The following CPAMD8 variants were observed in gnomAD, a reference collection of about 807,000 sequenced individuals.
CPAMD8 encodes the protein C3 and PZP-like alpha-2-macroglobulin domain-containing protein 8.
CPAMD8 carries 146 observed loss-of-function variants against 224.7 expected under a neutral mutation model. The observed-to-expected ratio is 0.65, with a 90% CI of 0.57 to 0.75. The LOEUF (loss-of-function observed/expected upper bound fraction) is 0.75, where lower values mean the gene tolerates loss of function less well. Ranked by LOEUF, CPAMD8 falls within the 30% of genes least tolerant of loss-of-function variation. The probability of loss-of-function intolerance (pLI) is 0.00; values close to 1 mark genes in which losing one functional copy is unlikely to be tolerated. For synonymous variants in CPAMD8, 966 were observed against 1,044.6 expected (o/e 0.92, Z 1.45); for missense variants, 2,301 against 2,537.5 (o/e 0.91, Z 2.00).
chr19:16,945,496 G>A, intron 22 of CPAMD8, 53 bp downstream of exon 22: 1 of 1,591,576 alleles, frequency 6.3e-7, no homozygotes, highest in Non-Finnish European at 8.6e-7. Context: ...CCAGCTTCAT[G>A]GCTGAAGGAA....
rs776665028 is a variant in CPAMD8 at position 16,929,198 on chromosome 19, T to G, written c.2888A>C (p.Tyr963Ser). The G allele has an allele frequency of 6.2e-7, 1 of 1,611,682 alleles. No individual in the cohort carries two copies. The highest frequency in any genetic ancestry group is 1.1e-5 in the South Asian group (1 of 91,044). ...ISTPNKYEFQ[Y>S]VQRPLRLTRF... Reference sequence around the variant, plus strand: ...GGTGAGGCGCAGTGGCCGCTGCACATACTGGAACTCATACTTGTTGGGGGT... The same window carrying G: ...GGTGAGGCGCAGTGGCCGCTGCACAGACTGGAACTCATACTTGTTGGGGGT... The change falls in exon 24 of 42, where the codon TAT becomes TCT. Residue 963 changes from tyrosine (Y) to serine (S), a missense_variant. Around this residue, in one of 4 missense-constraint regions of CPAMD8, gnomAD observed 1,709 missense variants for 1,753.2 expected, o/e 0.97. Coordinates refer to ENST00000443236, the MANE Select transcript of CPAMD8 (RefSeq NM_015692.5).
intron 6 of CPAMD8, 126 bp from the exon 7 acceptor site, chr19:17,008,685 TAA>T (rs752959226): frequency 4.9e-5 from 53 of 1,080,996 alleles, no homozygotes; most frequent in Non-Finnish European, 5.1e-5. Context: ...GTCCCAAGAT[TAA>T]TCATTAACCC....
intron 27 of CPAMD8, among the ~76,000 whole-genome samples, chr19:16,916,691 A>G (rs2052974784): frequency 6.6e-6 from 1 of 152,026 alleles, no homozygotes; most frequent in African/African-American, 2.4e-5. Flanking sequence ...GTGACCTGAG[A>G]TCGCACCACT....
chr19:16,937,932 C>A lies in CPAMD8; in HGVS notation c.2845+463G>T, dbSNP rs141193457. ...CCTCCCAGAGTGCTGGGATTATAGG[C>A]GTGAGCCTACCGCGCCCGGCCAACT... On this transcript the variant is annotated intron_variant, in intron 23 of 41. Coordinates refer to ENST00000443236, the MANE Select transcript of CPAMD8 (RefSeq NM_015692.5). 2.7e-3 allele frequency among the ~76,000 whole-genome samples: 406 copies of A among 152,256 alleles called. 2 individuals carry two copies. Among genetic ancestry groups the A allele is most frequent in the African/African-American group, 9.3e-3 (385 of 41,552 alleles).
chr19:16,959,567 GTC>G (rs1307295524), intron 18 of CPAMD8, among the ~76,000 whole-genome samples: 2 of 150,254 alleles, frequency 1.3e-5, no homozygotes, highest in African/African-American at 4.9e-5. Context: ...TCGAGATGGA[GTC>G]TCTCTCTGTT....
At chr19:16,944,278 T>C (rs2053999223) in intron 22 of CPAMD8, among the ~76,000 whole-genome samples, 2 of 152,202 alleles carry the variant, frequency 1.3e-5, no homozygotes, top group South Asian at 2.1e-4. Flanking sequence ...TTTCTAATTG[T>C]AGCTTCATCT....
intron 18 of CPAMD8, among the ~76,000 whole-genome samples, chr19:16,966,815 C>T (rs1174990138): frequency 2.6e-5 from 4 of 151,978 alleles, no homozygotes; most frequent in Non-Finnish European, 4.4e-5. Flanking sequence ...ATTAGAATGG[C>T]GATCATTAAA....
At chr19:17,013,077 A>G (rs1161551358) in intron 3 of CPAMD8, among the ~76,000 whole-genome samples, 2 of 152,100 alleles carry the variant, frequency 1.3e-5, no homozygotes, top group Non-Finnish European at 2.9e-5. Flanking sequence ...GCTACTCGGG[A>G]GGCTGAGGCA....
intron 23 of CPAMD8, among the ~76,000 whole-genome samples, chr19:16,931,313 A>G (rs540199670): frequency 6.6e-6 from 1 of 152,272 alleles, no homozygotes; most frequent in African/African-American, 2.4e-5. Context: ...CTCCCAGCCT[A>G]GTTCACCACA....
At chr19:17,004,240 G>T in intron 8 of CPAMD8, 33 bp downstream of exon 8, 1 of 1,448,866 alleles carries the variant, frequency 6.9e-7, no homozygotes, top group Non-Finnish European at 9.7e-7. Flanking sequence ...TCCCAGATCT[G>T]AAATCCCAAG....
rs772994363 is a variant in CPAMD8, at chr19:17,009,315, T to A, written c.492A>T (p.Glu164Asp). ...AGAGGCCACTCACCAGGATGTAGGC[T>A]TCCAGCTGTAATGAAGACACAGATG... ...PNLRPVNEKL[E>D]AYILDPRGSR... Residue 164 changes from glutamate (E) to aspartate (D), a missense_variant, in exon 6 of 42, where the codon GAA becomes GAT. Physicochemically the swap from Glu to Asp is conservative, Grantham distance 45. Coordinates refer to ENST00000443236, the MANE Select transcript of CPAMD8 (RefSeq NM_015692.5). The A allele has an allele frequency of 3.1e-6, 5 of 1,614,110 alleles. No individual in the cohort carries two copies. The highest frequency in any genetic ancestry group is 4.2e-6 in the Non-Finnish European group (5 of 1,179,982).
At chr19:16,970,864 A>G in intron 18 of CPAMD8, 27 bp downstream of exon 18, 1 of 1,610,696 alleles carries the variant, frequency 6.2e-7, no homozygotes, top group Non-Finnish European at 8.5e-7. Flanking sequence ...AGGGTTAGAA[A>G]ACCTTGCTCA....
chr19:17,025,052 C>T (rs1366826254), intron 1 of CPAMD8, among the ~76,000 whole-genome samples: 1 of 152,186 alleles, frequency 6.6e-6, no homozygotes, highest in Non-Finnish European at 1.5e-5. Context: ...TTCCATGTCA[C>T]TTAACAGATG....
intron 1 of CPAMD8, among the ~76,000 whole-genome samples, chr19:17,024,972 C>T (rs1224037506): frequency 6.6e-6 from 1 of 152,230 alleles, no homozygotes; most frequent in Non-Finnish European, 1.5e-5. Context: ...GCTTAGAGGC[C>T]AGCTAATCTG....
At chr19:17,019,419 G>A (rs941725675) in intron 3 of CPAMD8, among the ~76,000 whole-genome samples, 7 of 152,120 alleles carry the variant, frequency 4.6e-5, no homozygotes, top group Non-Finnish European at 8.8e-5. Context: ...CACTGCGCCC[G>A]GCCAGTGGTG....
intron 3 of CPAMD8, among the ~76,000 whole-genome samples, chr19:17,019,280 G>C (rs1232162379): frequency 1.3e-5 from 2 of 151,814 alleles, no homozygotes; most frequent in Non-Finnish European, 2.9e-5. Context: ...GCGCCACCAT[G>C]CCCAGTTAAC....
intron 3 of CPAMD8, among the ~76,000 whole-genome samples, chr19:17,019,971 C>CTTTTTTTTTTTTTTTTTTTTT (rs569150151): frequency 4.1e-5 from 4 of 97,890 alleles, no homozygotes; most frequent in African/African-American, 7.9e-5. Context: ...TTTTTCTTTT[C>CTTTTTTTTTTTTTTTTTTTTT]TTTTTTTTTT....
Position 16,980,594 on chromosome 19 carries a change from T to C in CPAMD8, c.1488A>G (p.Leu496=), listed in dbSNP as rs759175092. The C allele has an allele frequency of 2.4e-5, 39 of 1,613,264 alleles. No homozygotes were observed. The highest frequency in any genetic ancestry group is 4.0e-5 in the African/African-American group (3 of 74,884). ...TGGTGTGGGCAGGCTGCTGGCCCGA[T>C]AGCACAATATTGCCCCGTGCAGCCA... The part of the protein sequence containing the change: ...YEVAARGNIV[L]SGQQPAHTTQ... Residue 496 remains leucine, a synonymous_variant, in exon 14 of 42, where the codon CTA becomes CTG. Coordinates refer to ENST00000443236, the MANE Select transcript of CPAMD8 (RefSeq NM_015692.5).
chr19:16,997,827 G>A (rs771091390), intron 10 of CPAMD8, among the ~76,000 whole-genome samples: 5 of 151,726 alleles, frequency 3.3e-5, no homozygotes, highest in Non-Finnish European at 7.4e-5. Context: ...ACTCCAGCCT[G>A]GGTTAAGAAA....
Sources: gnomAD v4.1 joint callset for allele counts (sites outside exome capture counted in the v4.1 genomes callset) on GRCh38, gnomAD v4.1.1 for gene constraint, gnomAD v4.1.1 regional missense constraint, MANE v1.5 for transcripts, NCBI Gene and HGNC (gene_info 2026-07-23, HGNC 2026-07-21) for gene names.